Variants in DNM3 observed in about 807,000 individuals in gnomAD.
DNM3 encodes the protein dynamin 3, also known as dynamin-3.
Under a neutral mutation model 101.6 loss-of-function variants are expected in DNM3, and 47 were observed. The ratio of observed to expected loss-of-function variants is 0.46; its 90% CI spans 0.37 to 0.59. DNM3 has a LOEUF of 0.59. Among genes scored for constraint, DNM3 ranks in the 20% least tolerant of loss-of-function variants. The probability of loss-of-function intolerance (pLI) is 0.00; values close to 1 mark genes in which losing one functional copy is unlikely to be tolerated. For missense variants in DNM3, 849 were observed against 1,085.7 expected (o/e 0.78, Z 3.06); for synonymous variants, 385 against 387.9 (o/e 0.99, Z 0.09).
chr1:171,883,722 G>A (rs937249703), intron 1 of DNM3, among the ~76,000 whole-genome samples: 17 of 151,918 alleles, frequency 1.1e-4, no homozygotes, highest in Admixed American at 6.6e-5. Flanking sequence ...TGCCCTCCTC[G>A]GCCTCCCAAA....
chr1:172,093,242 G>A (rs2054031243), intron 13 of DNM3, among the ~76,000 whole-genome samples: 2 of 152,152 alleles, frequency 1.3e-5, no homozygotes. Context: ...TTCTGGGGTT[G>A]CTAACTAGTT....
intron 20 of DNM3, among the ~76,000 whole-genome samples, chr1:172,403,225 A>C (rs1224090555): frequency 6.6e-6 from 1 of 152,182 alleles, no homozygotes; most frequent in Non-Finnish European, 1.5e-5. Flanking sequence ...TACCAGTCAG[A>C]TAATTCCTAC....
At chr1:172,106,682 T>C (rs1471615779) in intron 13 of DNM3, among the ~76,000 whole-genome samples, 12 of 152,090 alleles carry the variant, frequency 7.9e-5, no homozygotes, top group Admixed American at 2.0e-4. Context: ...TTGAATTTCA[T>C]TGAAGTGATT....
At chr1:172,376,807 AT>A (rs1056384808) in intron 17 of DNM3, among the ~76,000 whole-genome samples, 17 of 151,908 alleles carry the variant, frequency 1.1e-4, no homozygotes, top group East Asian at 3.9e-4. Flanking sequence ...AAGCCTCTCA[AT>A]TTTTTTTAAT....
chr1:172,041,827 A>G (rs1463769558), intron 7 of DNM3, among the ~76,000 whole-genome samples, 182 bp from the exon 8 acceptor site: 3 of 152,216 alleles, frequency 2.0e-5, no homozygotes. Context: ...CTAAAATCTT[A>G]ATGATGTGTA....
At chr1:172,161,076 C>G (rs969686806) in intron 14 of DNM3, among the ~76,000 whole-genome samples, 1 of 151,782 alleles carries the variant, frequency 6.6e-6, no homozygotes, top group Non-Finnish European at 1.5e-5. Flanking sequence ...GGTCCGATGG[C>G]TGGATTATTT....
chr1:172,249,534 T>C (rs115493553), intron 14 of DNM3, among the ~76,000 whole-genome samples: 1,755 of 152,168 alleles, frequency 0.012, 42 homozygotes, highest in African/African-American at 0.04. Flanking sequence ...ATGCCTCCCA[T>C]AGAAATATTG....
intron 3 of DNM3, among the ~76,000 whole-genome samples, chr1:171,988,641 C>T (rs974878757): frequency 2.6e-5 from 4 of 152,126 alleles, no homozygotes; most frequent in Non-Finnish European, 5.9e-5. Context: ...ATGCATTTCT[C>T]ATTTGGTGTT....
At chr1:172,315,912 G>C (rs1354969573) in intron 16 of DNM3, among the ~76,000 whole-genome samples, 1 of 152,088 alleles carries the variant, frequency 6.6e-6, no homozygotes, top group African/African-American at 2.4e-5. Context: ...TCCTCGAGAA[G>C]AGCAACTCCG....
In DNM3 at chr1:172,412,192, A is replaced by G. The variant is rs2071248245; in HGVS notation, c.*4351A>G. The G allele has an allele frequency of 1.0e-6, 1 of 985,722 alleles. No homozygotes were observed. Among genetic ancestry groups the G allele is most frequent in the Non-Finnish European group, 1.2e-6 (1 of 829,874 alleles). The allele number at this position is 985,722 out of a possible 1,614,324, so 61.1% of individuals were successfully genotyped here. A position where few individuals can be genotyped will look rare whatever the true frequency, so the allele number is the denominator to read the frequency against. On this transcript the variant is annotated 3_prime_UTR_variant, in exon 21 of 21. Coordinates refer to ENST00000627582, the MANE Select transcript of DNM3 (RefSeq NM_015569.5). ...TCACTTCTGGTTGGAGGTTTCACATATGGCTCAACTCAAGTCATTAATCTC... is the reference window on the plus strand; with the variant it reads ...TCACTTCTGGTTGGAGGTTTCACATGTGGCTCAACTCAAGTCATTAATCTC...
At chr1:172,292,510 G>A (rs1381637817) in intron 15 of DNM3, among the ~76,000 whole-genome samples, 1 of 152,058 alleles carries the variant, frequency 6.6e-6, no homozygotes, top group Non-Finnish European at 1.5e-5. Flanking sequence ...GCATAGGAGA[G>A]CTAAAAGGAT....
At chr1:172,297,711 G>A (rs1489901690) in intron 15 of DNM3, among the ~76,000 whole-genome samples, 1 of 151,910 alleles carries the variant, frequency 6.6e-6, no homozygotes, top group Non-Finnish European at 1.5e-5. Context: ...GGTTTCTTCT[G>A]TCATACAAGG....
chr1:172,405,820 T>C (rs548831139), intron 20 of DNM3, among the ~76,000 whole-genome samples: 10 of 152,038 alleles, frequency 6.6e-5, no homozygotes, highest in Admixed American at 6.6e-4. Context: ...TCCAAATATC[T>C]ACTAAAGAAC....
At chr1:172,118,935 GCACT>G (rs2056112826) in intron 13 of DNM3, among the ~76,000 whole-genome samples, 1 of 151,866 alleles carries the variant, frequency 6.6e-6, no homozygotes, top group South Asian at 2.1e-4. Flanking sequence ...CCCTGCTTTA[GCACT>G]GTGACCCCAT....
intron 14 of DNM3, among the ~76,000 whole-genome samples, chr1:172,153,918 T>G (rs1489958389): frequency 6.6e-6 from 1 of 152,112 alleles, no homozygotes; most frequent in Admixed American, 6.6e-5. Flanking sequence ...TGATCATATT[T>G]TTATTTAAAA....
At chr1:172,242,737 C>G (rs2061796108) in intron 14 of DNM3, among the ~76,000 whole-genome samples, 2 of 152,190 alleles carry the variant, frequency 1.3e-5, no homozygotes, top group African/African-American at 4.8e-5. Context: ...GCTCCTGTAC[C>G]TGGCCTGTTT....
chr1:172,274,116 T>C (rs2148759124), intron 15 of DNM3, among the ~76,000 whole-genome samples: 1 of 152,168 alleles, frequency 6.6e-6, no homozygotes, highest in South Asian at 2.1e-4. Context: ...GTCAAACTCA[T>C]GTCAGCTAAA....
intron 1 of DNM3, among the ~76,000 whole-genome samples, chr1:171,876,030 C>T (rs938430074): frequency 7.2e-5 from 11 of 151,802 alleles, no homozygotes; most frequent in Admixed American, 5.9e-4. Context: ...AGGATGGTCT[C>T]GATCTCTTGA....
chr1:172,087,759 CT>C (rs1338109213), intron 12 of DNM3, among the ~76,000 whole-genome samples: 1 of 152,310 alleles, frequency 6.6e-6, no homozygotes, highest in South Asian at 2.1e-4. Flanking sequence ...CTCTGTACCC[CT>C]GTCATCCTCT....
Sources: gnomAD v4.1 joint callset for allele counts (sites outside exome capture counted in the v4.1 genomes callset) on GRCh38, gnomAD v4.1.1 for gene constraint, MANE v1.5 for transcripts, NCBI Gene and HGNC (gene_info 2026-07-23, HGNC 2026-07-21) for gene names.